The following MDM1 variants were observed in gnomAD, a reference collection of about 807,000 sequenced individuals.
MDM1 encodes Mdm1 nuclear protein.
Under a neutral mutation model 89.1 loss-of-function variants are expected in MDM1, and 61 were observed. The ratio of observed to expected loss-of-function variants is 0.68; its 90% CI spans 0.56 to 0.85. The LOEUF is 0.85. Among genes scored for constraint, MDM1 ranks in the 40% least tolerant of loss-of-function variants. The pLI is 0.00. For synonymous variants in MDM1, 290 were observed against 294.1 expected (o/e 0.99, Z 0.14); for missense variants, 820 against 846.5 (o/e 0.97, Z 0.39).
chr12:68,330,542 T>C (rs1443607541), intron 2 of MDM1, among the ~76,000 whole-genome samples: 2 of 152,134 alleles, frequency 1.3e-5, no homozygotes, highest in Non-Finnish European at 2.9e-5. Context: ...ATCAGTAAAT[T>C]TACTTAATCT....
chr12:68,321,448 T>C lies in MDM1; in HGVS notation c.906-2A>G, dbSNP rs780811346. 145 of 1,612,190 alleles carry C rather than the reference T, an allele frequency of 9.0e-5. No homozygotes were observed. Among genetic ancestry groups the C allele is most frequent in the Non-Finnish European group, 1.2e-4 (143 of 1,178,866 alleles). ...GCTCTATATTCGGAATTCACCTTCC[T>C]AATAGAAATGAAATGAAAGTAAATA... On this transcript the variant is annotated splice_acceptor_variant, in intron 6 of 14. Transcript: ENST00000682720. LOFTEE classifies it high-confidence loss of function.
chr12:68,317,504 G>A (rs1026351860), intron 7 of MDM1, among the ~76,000 whole-genome samples: 5 of 152,178 alleles, frequency 3.3e-5, no homozygotes, highest in African/African-American at 1.2e-4. Context: ...AGATGAAAGT[G>A]TTACATCTCT....
chr12:68,314,901 A>T (rs757418106), intron 10 of MDM1, 47 bp downstream of exon 10: 19 of 1,452,724 alleles, frequency 1.3e-5, no homozygotes, highest in South Asian at 2.4e-5. Flanking sequence ...ATACATATCA[A>T]CCATGTAAAT....
At chr12:68,327,149 C>T (rs1876121790) in intron 2 of MDM1, 128 bp from the exon 3 acceptor site, 3 of 1,398,566 alleles carry the variant, frequency 2.1e-6, no homozygotes, top group Admixed American at 2.9e-5. Flanking sequence ...TATATATACA[C>T]ACAATATCCT....
Position 68,316,916 on chromosome 12 carries a change from T to C in MDM1, c.1006-306A>G, listed in dbSNP as rs530977706. Among the ~76,000 whole-genome samples the C allele has an allele frequency of 9.0e-4, 137 of 152,328 alleles. 2 individuals carry two copies. Among genetic ancestry groups the C allele is most frequent in the South Asian group, 5.6e-3 (27 of 4,826 alleles). On this transcript the variant is annotated intron_variant, in intron 7 of 14. Coordinates refer to ENST00000682720, the MANE Select transcript of MDM1 (RefSeq NM_001354969.2). ...GCCAAAAATCCCTAACCCAGCTTTA[T>C]TTCATGGCTTTGTATACAGCTACTA...
chr12:68,332,347 G>T lies in MDM1; in HGVS notation c.-102C>A. On this transcript the variant is annotated 5_prime_UTR_variant, in exon 1 of 15. Coordinates refer to ENST00000682720, the MANE Select transcript of MDM1 (RefSeq NM_001354969.2). ...TGTTCCCTAGCAAAGCCTCGGCCCGGCGTCCCCGACTACGCGCCGGCGCAC... is the reference window on the plus strand; with the variant it reads ...TGTTCCCTAGCAAAGCCTCGGCCCGTCGTCCCCGACTACGCGCCGGCGCAC... 1.4e-6 allele frequency: 2 copies of T among 1,392,192 alleles called. No homozygotes were observed. The highest frequency in any genetic ancestry group is 1.9e-6 in the Non-Finnish European group (2 of 1,043,208). The allele number at this position is 1,392,192 out of a possible 1,614,324, so 86.2% of individuals were successfully genotyped here.
rs778494486 is a variant in MDM1 at position 68,331,203 on chromosome 12, T to C, written c.37A>G (p.Arg13Gly). ...VRFKGLSEYQ[R>G]NFLWKKSYLS... Reference sequence around the variant, plus strand: ...TAAGACTTTTTCCACAGGAAGTTCCTCTGGTATTCACTCAGCCCCTGTAAT... The same window carrying C: ...TAAGACTTTTTCCACAGGAAGTTCCCCTGGTATTCACTCAGCCCCTGTAAT... The change falls in exon 2 of 15, where the codon AGG (arginine) becomes GGG (glycine). Residue 13 changes from arginine to glycine, a missense_variant. Physicochemically the swap from Arg to Gly is moderately radical, Grantham distance 125. Transcript: ENST00000682720. 5 of 1,601,270 alleles carry C rather than the reference T, an allele frequency of 3.1e-6. No homozygotes were observed. In the East Asian group the frequency reaches 8.9e-5, roughly 29 times the overall value.
chr12:68,308,780 C>A (rs1014947366), intron 12 of MDM1, among the ~76,000 whole-genome samples: 2 of 152,180 alleles, frequency 1.3e-5, no homozygotes, highest in Admixed American at 1.3e-4. Context: ...AATAAAACTA[C>A]CCTCCAAAGA....
Position 68,316,379 on chromosome 12 carries a change from C to A in MDM1, c.1036-126G>T. On this transcript the variant is annotated intron_variant, in intron 8 of 14. Coordinates refer to ENST00000682720, the MANE Select transcript of MDM1 (RefSeq NM_001354969.2). ...CAAAGACAAAGGAAGGCAAAATTAG[C>A]CACATACAGTCATCAGACTGTGCAT... 2.8e-6 allele frequency: 3 copies of A among 1,072,784 alleles called. No individual in the cohort carries two copies. The South Asian group carries it at 5.0e-5, about 18-fold the overall frequency. 66.5% of individuals were successfully genotyped at this position (1,072,784 alleles called of 1,614,324 possible). A position where few individuals can be genotyped will look rare whatever the true frequency, so the allele number is the denominator to read the frequency against.
chr12:68,296,423 G>A (rs532866736), intron 14 of MDM1, among the ~76,000 whole-genome samples: 86 of 152,302 alleles, frequency 5.6e-4, no homozygotes, highest in African/African-American at 1.9e-3. Flanking sequence ...GCTTGAACCC[G>A]GGAGGCAGAG....
At chr12:68,297,968 G>C (rs1871633853) in intron 13 of MDM1, among the ~76,000 whole-genome samples, 1 of 152,182 alleles carries the variant, frequency 6.6e-6, no homozygotes, top group Non-Finnish European at 1.5e-5. Context: ...CCCCTCCACA[G>C]CTTAACAAAA....
intron 1 of MDM1, chr12:68,331,947 A>G: frequency 1.5e-6 from 1 of 684,072 alleles, no homozygotes; most frequent in Non-Finnish European, 2.7e-6. Context: ...TCGCAAAGGG[A>G]CCTCCTCCCA....
intron 12 of MDM1, among the ~76,000 whole-genome samples, chr12:68,308,361 A>C (rs113552975): frequency 6.6e-6 from 1 of 152,118 alleles, no homozygotes; most frequent in African/African-American, 2.4e-5. Flanking sequence ...CCTGACCTCA[A>C]GTGATCCACC....
At position 68,305,004 on chromosome 12, in the gene MDM1, C is replaced by T. The variant is rs181698745; in HGVS notation, c.1750-2132G>A. On this transcript the variant is annotated intron_variant, in intron 12 of 14. Transcript: ENST00000682720. ...TGTTGAGGATTTTTGTGTCTACCTT[C>T]ATCAGGAATATTGGTCTACAGTTTT... is the stretch of plus-strand genomic sequence containing the variant. Among the ~76,000 whole-genome samples the T allele has an allele frequency of 2.8e-3, 428 of 152,310 alleles. 3 individuals are homozygous for T. The South Asian group carries it at 0.036, about 13-fold the overall frequency.
At chr12:68,320,874 C>T (rs995564616) in intron 7 of MDM1, 1 of 152,440 alleles carries the variant, frequency 6.6e-6, no homozygotes, top group African/African-American at 2.4e-5. Context: ...AGAGTTTCTC[C>T]CAAGTCAGAG....
rs547278882 is a variant in MDM1, at chr12:68,331,656, C to T, written c.19-435G>A. Among the ~76,000 whole-genome samples, 72 of 152,292 alleles carry T rather than the reference C, an allele frequency of 4.7e-4. 1 individual carries two copies. Among genetic ancestry groups the T allele is most frequent in the East Asian group, 5.8e-4 (3 of 5,188 alleles). On this transcript the variant is annotated intron_variant, in intron 1 of 14. Coordinates refer to ENST00000682720, the MANE Select transcript of MDM1 (RefSeq NM_001354969.2). ...AAACTCCCCTTCCATTCTGAATACA[C>T]GCCTTTAAGATAAATGAGTCAGGAG... is the stretch of plus-strand genomic sequence containing the variant.
At chr12:68,325,902 C>A in intron 3 of MDM1, 3 of 1,005,640 alleles carry the variant, frequency 3.0e-6, no homozygotes, top group Non-Finnish European at 3.6e-6. Flanking sequence ...CACTTTGCCT[C>A]ACCTGCACAC....
In MDM1 at chr12:68,313,653, G is replaced by A. The variant is rs754915070; in HGVS notation, c.1630C>T (p.Pro544Ser). The A allele has an allele frequency of 6.2e-7, 1 of 1,613,728 alleles. No individual in the cohort carries two copies. The highest frequency in any genetic ancestry group is 1.7e-5 in the Admixed American group (1 of 59,998). The change falls in exon 11 of 15, where the codon CCA (proline) becomes TCA (serine). Residue 544 changes from proline (P) to serine (S), a missense_variant. Physicochemically the swap from Pro to Ser is moderately conservative, Grantham distance 74. Transcript: ENST00000682720. ...GGTGTTTGCCGATTACCAACAGCTG[G>A]AGTAGTGAGATCATGATGAGTCCTC... ...IQRTHHDLTTPAVGGAVLVSP... is the reference protein window; with the variant it reads ...IQRTHHDLTTSAVGGAVLVSP...
intron 1 of MDM1, 162 bp downstream of exon 1, chr12:68,332,066 G>GGCGGCGGGCAGATTCTGGGGC: frequency 1.1e-6 from 1 of 886,810 alleles, no homozygotes; most frequent in South Asian, 1.4e-5. Context: ...TAGGTTAAGA[G>GGCGGCGGGCAGATTCTGGGGC]GCGGCGGGCA....
Sources: allele counts gnomAD v4.1 joint callset (sites outside exome capture counted in the v4.1 genomes callset), GRCh38; gene constraint gnomAD v4.1.1; transcripts MANE v1.5; gene names NCBI Gene and HGNC (gene_info 2026-07-23, HGNC 2026-07-21).